PCDHA12: variants seen among roughly 807,000 people sequenced by gnomAD.
The protein encoded by PCDHA12 is protocadherin alpha-12.
A neutral mutation model predicts 60.0 loss-of-function variants in PCDHA12; 44 were observed. The observed-to-expected ratio is 0.73, with a 90% confidence interval of 0.58 to 0.94. The LOEUF is 0.94. Ranked by LOEUF, PCDHA12 falls within the 40% of genes least tolerant of loss-of-function variation. The pLI, the probability that PCDHA12 is intolerant of heterozygous loss-of-function variation, is 0.00. For synonymous variants in PCDHA12, 569 were observed against 553.0 expected (o/e 1.03, Z -0.40); for missense variants, 1,276 against 1,239.7 (o/e 1.03, Z -0.44).
At chr5:140,956,565 A>G (rs190736286) in intron 1 of PCDHA12, among the ~76,000 whole-genome samples, 2 of 152,284 alleles carry the variant, frequency 1.3e-5, no homozygotes, top group Non-Finnish European at 2.9e-5. Flanking sequence ...TATCTTATTG[A>G]GGATTTTTGC....
intron 1 of PCDHA12, among the ~76,000 whole-genome samples, chr5:140,936,053 C>T (rs576745037): frequency 1.2e-4 from 18 of 152,052 alleles, no homozygotes; most frequent in Middle Eastern, 3.4e-3. Flanking sequence ...CCACCACACC[C>T]GGCTAATTTT....
intron 1 of PCDHA12, among the ~76,000 whole-genome samples, chr5:140,892,669 C>T (rs1361630982): frequency 2.6e-5 from 4 of 152,134 alleles, no homozygotes; most frequent in African/African-American, 9.7e-5. Context: ...CATTTTGATA[C>T]ATATATACAA....
chr5:140,961,938 C>T (rs1443851298), intron 1 of PCDHA12, among the ~76,000 whole-genome samples: 3 of 151,024 alleles, frequency 2.0e-5, no homozygotes, highest in African/African-American at 7.3e-5. Flanking sequence ...GGCTGGAGTG[C>T]AGTGGCATGA....
chr5:140,967,794 T>G, intron 1 of PCDHA12: 1 of 1,614,178 alleles, frequency 6.2e-7, no homozygotes. Flanking sequence ...CGGGGTCCAG[T>G]GCCCATGGCA....
chr5:141,001,381 A>G (rs1213919091), intron 3 of PCDHA12, among the ~76,000 whole-genome samples: 1 of 152,218 alleles, frequency 6.6e-6, no homozygotes, highest in Non-Finnish European at 1.5e-5. Context: ...TACAGAGCCT[A>G]AGATCCTACA....
intron 1 of PCDHA12, among the ~76,000 whole-genome samples, chr5:140,941,202 C>T (rs246071): frequency 0.094 from 11,551 of 122,542 alleles, 708 homozygotes; most frequent in Admixed American, 0.12. Context: ...TTTCTTTCTT[C>T]CTTTCTTTCT....
rs1052880282 is a variant in PCDHA12 at position 140,969,588 on chromosome 5, T to C, written c.2368-9361T>C. On this transcript the variant is annotated intron_variant, in intron 1 of 3. Coordinates refer to ENST00000398631, the MANE Select transcript of PCDHA12 (RefSeq NM_018903.4). ...TTGTTTGAGAAGTGAGGATTAGTCT[T>C]AATATTTAATGCTAAAACACAGATT... 31 of 849,754 alleles carry C rather than the reference T, an allele frequency of 3.6e-5. No individual in the cohort carries two copies. The African/African-American group carries it at 5.3e-4, about 15-fold the overall frequency. The allele number at this position is 849,754 out of a possible 1,614,324, so 52.6% of individuals were successfully genotyped here. A position where few individuals can be genotyped will look rare whatever the true frequency, so the allele number is the denominator to read the frequency against.
Position 140,884,409 on chromosome 5 carries a change from C to G in PCDHA12, c.2367+6570C>G, listed in dbSNP as rs373513056. The G allele has an allele frequency of 2.7e-5, 43 of 1,613,874 alleles. No individual in the cohort carries two copies. The highest frequency in any genetic ancestry group is 4.0e-5 in the African/African-American group (3 of 74,930). On this transcript the variant is annotated intron_variant, in intron 1 of 3. Coordinates refer to ENST00000398631, the MANE Select transcript of PCDHA12 (RefSeq NM_018903.4). ...GCGGTGTCCAGCCTGTTGGTGCTCA[C>G]GTTGCTGCTGTATACTGCGCTGCGG...
chr5:140,901,690 T>C (rs566618023), intron 1 of PCDHA12, among the ~76,000 whole-genome samples: 22 of 152,340 alleles, frequency 1.4e-4, no homozygotes, highest in African/African-American at 5.3e-4. Flanking sequence ...ATGGGTATTT[T>C]GTAGTTCTAT....
At chr5:140,937,824 A>G (rs1229119616) in intron 1 of PCDHA12, among the ~76,000 whole-genome samples, 1 of 151,696 alleles carries the variant, frequency 6.6e-6, no homozygotes, top group African/African-American at 2.4e-5. Context: ...AGGCAGGAGA[A>G]TGGCATGAAC....
intron 1 of PCDHA12, among the ~76,000 whole-genome samples, chr5:140,903,855 AAT>A (rs2070667296): frequency 6.6e-6 from 1 of 152,186 alleles, no homozygotes; most frequent in Non-Finnish European, 1.5e-5. Context: ...CTTAACAAAT[AAT>A]ATAGAGTAAA....
rs552832365 is a variant in PCDHA12, at chr5:140,928,668, T to C, written c.2368-50281T>C. ...TAGCAGAGGATGCTGACAGTGGTTC[T>C]AATGCCTGGCTTTCCTACCACATCT... is the stretch of plus-strand genomic sequence containing the variant. On this transcript the variant is annotated intron_variant, in intron 1 of 3. Transcript: ENST00000398631. The C allele has an allele frequency of 2.4e-4, 388 of 1,614,234 alleles. 3 individuals are homozygous for C. The South Asian group carries it at 4.0e-3, about 17-fold the overall frequency.
Position 141,010,368 on chromosome 5 carries a change from C to A in PCDHA12, c.*431C>A. On this transcript the variant is annotated 3_prime_UTR_variant, in exon 4 of 4. Transcript: ENST00000398631. ...GGTATGTGTGGCTACCGCGGGTATG[C>A]GAGTGCCAGATATTGGCTGAGACGA... 2 of 1,471,050 alleles carry A rather than the reference C, an allele frequency of 1.4e-6. No homozygotes were observed. Among genetic ancestry groups the A allele is most frequent in the Non-Finnish European group, 1.8e-6 (2 of 1,106,904 alleles). The allele number at this position is 1,471,050 out of a possible 1,614,324, so 91.1% of individuals were successfully genotyped here. A position where few individuals can be genotyped will look rare whatever the true frequency, so the allele number is the denominator to read the frequency against.
At chr5:140,957,107 G>A in intron 1 of PCDHA12, among the ~76,000 whole-genome samples, 1 of 152,092 alleles carries the variant, frequency 6.6e-6, no homozygotes, top group East Asian at 1.9e-4. Context: ...CTATGGACAT[G>A]ATTCTGTGTG....
rs574473083 is a variant in PCDHA12, at chr5:140,908,105, C to T, written c.2367+30266C>T. ...CAGGTGCACTGATTGAAGTTCTGTC[C>T]ACTGGGAAGATTTCCCTTCACTGCT... is the stretch of plus-strand genomic sequence containing the variant. On this transcript the variant is annotated intron_variant, in intron 1 of 3. Coordinates refer to ENST00000398631, the MANE Select transcript of PCDHA12 (RefSeq NM_018903.4). Among the ~76,000 whole-genome samples the T allele has an allele frequency of 5.3e-5, 8 of 152,304 alleles. No individual in the cohort carries two copies. In the East Asian group the frequency reaches 1.4e-3, roughly 26 times the overall value.
intron 1 of PCDHA12, among the ~76,000 whole-genome samples, chr5:140,942,586 A>C (rs559683622): frequency 1.3e-5 from 2 of 150,518 alleles, no homozygotes; most frequent in African/African-American, 4.9e-5. Context: ...ATAGGATGTC[A>C]CATATAATTA....
At chr5:140,980,076 G>A (rs2096875671) in intron 2 of PCDHA12, among the ~76,000 whole-genome samples, 1 of 152,214 alleles carries the variant, frequency 6.6e-6, no homozygotes, top group South Asian at 2.1e-4. Flanking sequence ...AAGGGCTGAA[G>A]ATTAGTAGTT....
chr5:140,902,976 G>T (rs2069915302), intron 1 of PCDHA12, among the ~76,000 whole-genome samples: 1 of 152,140 alleles, frequency 6.6e-6, no homozygotes, highest in African/African-American at 2.4e-5. Flanking sequence ...GGGCATTTAG[G>T]TTGGTTCCAT....
Position 140,962,028 on chromosome 5 carries a change from C to A in PCDHA12, c.2368-16921C>A, listed in dbSNP as rs1046578713. Among the ~76,000 whole-genome samples the A allele has an allele frequency of 5.9e-5, 9 of 152,036 alleles. No individual in the cohort carries two copies. In the South Asian group the frequency reaches 1.7e-3, roughly 28 times the overall value. The stretch of plus-strand genomic sequence containing the variant: ...CTTCCCGAGTAGCTGGGACTACAGG[C>A]ACCCACCACCATGCCTGGCTAATTT... On this transcript the variant is annotated intron_variant, in intron 1 of 3. Transcript: ENST00000398631.
Sources: allele counts gnomAD v4.1 joint callset (sites outside exome capture counted in the v4.1 genomes callset), GRCh38; gene constraint gnomAD v4.1.1; transcripts MANE v1.5; gene names NCBI Gene and HGNC (gene_info 2026-07-23, HGNC 2026-07-21).